The following AUTS2 variants were observed in gnomAD, a reference collection of about 807,000 sequenced individuals.
AUTS2 encodes autism susceptibility gene 2 protein.
In AUTS2, 17 loss-of-function variants were observed where a neutral mutation model predicts 112.4. The observed-to-expected ratio is 0.15, with a 90% confidence interval of 0.10 to 0.23. The LOEUF (loss-of-function observed/expected upper bound fraction) is 0.23. Ranked by LOEUF, AUTS2 falls within the 10% of genes least tolerant of loss-of-function variation. The probability of loss-of-function intolerance (pLI) is 1.00; values close to 1 mark genes in which losing one functional copy is unlikely to be tolerated. For missense variants in AUTS2, 1,510 were observed against 1,701.6 expected (o/e 0.89, Z 1.98); for synonymous variants, 751 against 702.7 (o/e 1.07, Z -1.09).
At chr7:70,276,533 C>T (rs1409865152) in intron 4 of AUTS2, among the ~76,000 whole-genome samples, 1 of 151,868 alleles carries the variant, frequency 6.6e-6, no homozygotes, top group African/African-American at 2.4e-5. Context: ...TCCCAGCTAC[C>T]ACACCCAACT....
intron 2 of AUTS2, among the ~76,000 whole-genome samples, chr7:70,063,820 G>A (rs1009907190): frequency 6.6e-6 from 1 of 152,160 alleles, no homozygotes; most frequent in Non-Finnish European, 1.5e-5. Flanking sequence ...TGTCAGGAAG[G>A]CATAAAGAAC....
At chr7:70,190,388 C>T (rs1288557192) in intron 4 of AUTS2, among the ~76,000 whole-genome samples, 1 of 152,106 alleles carries the variant, frequency 6.6e-6, no homozygotes, top group Non-Finnish European at 1.5e-5. Flanking sequence ...CTGTCTTTTT[C>T]CTGCCAGTTG....
chr7:69,870,446 G>GA (rs1562939791), intron 1 of AUTS2, among the ~76,000 whole-genome samples: 6 of 20,714 alleles, frequency 2.9e-4, no homozygotes, highest in African/African-American at 5.3e-4. Context: ...GTATGTGTGT[G>GA]TAATATATAT....
chr7:70,687,496 GTAGTTTATAGTACATT>G (rs1808532135), intron 5 of AUTS2, among the ~76,000 whole-genome samples: 1 of 152,062 alleles, frequency 6.6e-6, no homozygotes, highest in African/African-American at 2.4e-5. Flanking sequence ...TTTCCCCTTT[GTAGTTTATAGTACATT>G]GTGAAGTTTG....
intron 2 of AUTS2, among the ~76,000 whole-genome samples, chr7:69,964,316 G>A (rs985692587): frequency 1.2e-4 from 18 of 152,130 alleles, no homozygotes; most frequent in Non-Finnish European, 1.9e-4. Context: ...AGGTCAGTTC[G>A]CAGCCTGGAA....
intron 5 of AUTS2, among the ~76,000 whole-genome samples, chr7:70,655,304 A>G (rs1294030501): frequency 6.6e-6 from 1 of 152,210 alleles, no homozygotes; most frequent in Non-Finnish European, 1.5e-5. Context: ...TTTTATCAGC[A>G]AGTAACAGAA....
At chr7:69,849,755 C>T (rs1200458040) in intron 1 of AUTS2, among the ~76,000 whole-genome samples, 1 of 152,026 alleles carries the variant, frequency 6.6e-6, no homozygotes, top group African/African-American at 2.4e-5. Context: ...AACCTTGTTG[C>T]TTGCTTTTAT....
chr7:70,037,192 A>T (rs1461598359), intron 2 of AUTS2, among the ~76,000 whole-genome samples: 1 of 152,196 alleles, frequency 6.6e-6, no homozygotes, highest in Admixed American at 6.5e-5. Flanking sequence ...AAAATAGGAT[A>T]AAAATACAGA....
At chr7:70,003,511 GTATATAT>G (rs1799338363) in intron 2 of AUTS2, among the ~76,000 whole-genome samples, 6 of 64,110 alleles carry the variant, frequency 9.4e-5, no homozygotes, top group South Asian at 5.0e-4. Context: ...TGTTATATAT[GTATATAT>G]AATATATATG....
rs1387066113 is a variant in AUTS2, at chr7:70,793,214, C to G, written c.*2218C>G. 1 of 152,168 alleles carries G rather than the reference C, an allele frequency of 6.6e-6. No individual in the cohort carries two copies. Among genetic ancestry groups the G allele is most frequent in the Non-Finnish European group, 1.5e-5 (1 of 68,032 alleles). The allele number at this position is 152,168 out of a possible 1,614,324, so 9.4% of individuals were successfully genotyped here. On this transcript the variant is annotated 3_prime_UTR_variant, in exon 19 of 19. Transcript: ENST00000342771. ...GCCAGTTGTTTGTGCCTGGCTACTTCAAAACTCAGCGAAAGTGTTTGCTTT... is the reference window on the plus strand; with the variant it reads ...GCCAGTTGTTTGTGCCTGGCTACTTGAAAACTCAGCGAAAGTGTTTGCTTT...
intron 4 of AUTS2, among the ~76,000 whole-genome samples, chr7:70,176,928 G>T (rs1345046900): frequency 6.6e-6 from 1 of 152,132 alleles, no homozygotes; most frequent in African/African-American, 2.4e-5. Flanking sequence ...TATATGAATT[G>T]TTTTCTTAGT....
chr7:70,759,286 G>GC (rs1451533274), intron 6 of AUTS2, among the ~76,000 whole-genome samples: 1 of 152,174 alleles, frequency 6.6e-6, no homozygotes, highest in Non-Finnish European at 1.5e-5. Flanking sequence ...GTGACTTCCA[G>GC]CAAGCAAGTT....
intron 4 of AUTS2, among the ~76,000 whole-genome samples, chr7:70,241,232 A>G (rs543945394): frequency 1.3e-5 from 2 of 152,344 alleles, no homozygotes; most frequent in East Asian, 3.9e-4. Context: ...TATGATTTGT[A>G]CCTAAGATTC....
At chr7:70,636,502 C>T (rs1805540283) in intron 5 of AUTS2, among the ~76,000 whole-genome samples, 1 of 152,142 alleles carries the variant, frequency 6.6e-6, no homozygotes, top group Admixed American at 6.5e-5. Context: ...CGTTCAAGTC[C>T]CCCTCTTATG....
intron 4 of AUTS2, among the ~76,000 whole-genome samples, chr7:70,172,078 G>A (rs1808729262): frequency 6.6e-6 from 1 of 152,134 alleles, no homozygotes; most frequent in Non-Finnish European, 1.5e-5. Flanking sequence ...TCCTCACCAA[G>A]CTTCCCTCAC....
chr7:70,411,505 A>G (rs762902526), intron 4 of AUTS2, among the ~76,000 whole-genome samples: 5 of 152,230 alleles, frequency 3.3e-5, no homozygotes, highest in Admixed American at 6.5e-5. Context: ...AGGGCACAGC[A>G]TAGGTAAACA....
intron 5 of AUTS2, among the ~76,000 whole-genome samples, chr7:70,456,186 G>A (rs1585166519): frequency 6.6e-6 from 1 of 152,140 alleles, no homozygotes; most frequent in Admixed American, 6.5e-5. Context: ...TGGCTCTGGT[G>A]CCCCCAGCCA....
At chr7:70,495,633 CCA>C (rs1798430944) in intron 5 of AUTS2, among the ~76,000 whole-genome samples, 1 of 149,802 alleles carries the variant, frequency 6.7e-6, no homozygotes, top group Non-Finnish European at 1.5e-5. Flanking sequence ...CACACACACC[CCA>C]CACATGCACA....
intron 6 of AUTS2, among the ~76,000 whole-genome samples, chr7:70,732,701 C>A (rs1787499879): frequency 6.6e-6 from 1 of 152,192 alleles, no homozygotes; most frequent in Admixed American, 6.5e-5. Flanking sequence ...AATTTGTCAT[C>A]TTATACATCA....
Sources: gnomAD v4.1 joint callset for allele counts (sites outside exome capture counted in the v4.1 genomes callset) on GRCh38, gnomAD v4.1.1 for gene constraint, MANE v1.5 for transcripts, NCBI Gene and HGNC (gene_info 2026-07-23, HGNC 2026-07-21) for gene names.